GALNT7: variants seen among roughly 807,000 people sequenced by gnomAD.
The protein encoded by GALNT7 is polypeptide N-acetylgalactosaminyltransferase 7.
Under a neutral mutation model 82.1 loss-of-function variants are expected in GALNT7, and 60 were observed. The observed-to-expected ratio is 0.73, with a 90% CI of 0.59 to 0.91. GALNT7 has a LOEUF of 0.91. Ranked by LOEUF, GALNT7 falls within the 40% of genes least tolerant of loss-of-function variation. The pLI, the probability that GALNT7 is intolerant of heterozygous loss-of-function variation, is 0.00. For synonymous variants in GALNT7, 243 were observed against 275.1 expected (o/e 0.88, Z 1.15); for missense variants, 660 against 804.2 (o/e 0.82, Z 2.17).
At chr4:173,197,130 G>T (rs968949508) in intron 1 of GALNT7, among the ~76,000 whole-genome samples, 12 of 147,816 alleles carry the variant, frequency 8.1e-5, no homozygotes, top group Admixed American at 2.1e-4. Context: ...CAAGATATGG[G>T]TAGTAGATAC....
At chr4:173,192,939 G>A (rs1579897489) in intron 1 of GALNT7, among the ~76,000 whole-genome samples, 1 of 152,136 alleles carries the variant, frequency 6.6e-6, no homozygotes, top group East Asian at 1.9e-4. Context: ...CACTAAAGAC[G>A]GCACAGAGTT....
At chr4:173,205,100 TG>T (rs1733044572) in intron 1 of GALNT7, among the ~76,000 whole-genome samples, 2 of 151,468 alleles carry the variant, frequency 1.3e-5, no homozygotes, top group South Asian at 4.2e-4. Context: ...CCTGGGTCTC[TG>T]GGTCTGTCGG....
chr4:173,229,479 A>G (rs1189921054), intron 1 of GALNT7, among the ~76,000 whole-genome samples: 1 of 152,216 alleles, frequency 6.6e-6, no homozygotes, highest in East Asian at 1.9e-4. Context: ...ATTCTAGTTA[A>G]GGATATGAAA....
intron 1 of GALNT7, among the ~76,000 whole-genome samples, chr4:173,187,408 G>A: frequency 6.6e-6 from 1 of 150,606 alleles, no homozygotes; most frequent in South Asian, 2.1e-4. Context: ...CCTGTGTACT[G>A]GGAATTACAG....
At chr4:173,235,556 CTTTTTT>C (rs11421248) in intron 1 of GALNT7, among the ~76,000 whole-genome samples, 2 of 140,796 alleles carry the variant, frequency 1.4e-5, no homozygotes, top group African/African-American at 2.6e-5. Context: ...CTTTTCTTTT[CTTTTTT>C]TTTTTTTTCT....
chr4:173,178,348 A>G (rs775863533), intron 1 of GALNT7, among the ~76,000 whole-genome samples: 8 of 152,226 alleles, frequency 5.3e-5, no homozygotes, highest in African/African-American at 7.2e-5. Flanking sequence ...ATGTATGCTC[A>G]GCATTTCAAT....
At chr4:173,172,494 A>C (rs1157822628) in intron 1 of GALNT7, among the ~76,000 whole-genome samples, 1 of 152,120 alleles carries the variant, frequency 6.6e-6, no homozygotes, top group East Asian at 1.9e-4. Context: ...TTTCTATCTA[A>C]TGGGAGACTG....
intron 1 of GALNT7, among the ~76,000 whole-genome samples, chr4:173,180,392 A>G (rs984138614): frequency 6.7e-6 from 1 of 149,594 alleles, no homozygotes; most frequent in Admixed American, 6.7e-5. Flanking sequence ...CAATGGCACA[A>G]TCTCGACTCA....
intron 5 of GALNT7, 41 bp from the exon 6 acceptor site, chr4:173,298,074 T>TA: frequency 5.0e-6 from 8 of 1,603,408 alleles, no homozygotes; most frequent in South Asian, 1.1e-5. Context: ...GGTCCATACA[T>TA]ACGCTTCCAT....
chr4:173,170,376 A>G (rs1398943926), intron 1 of GALNT7, among the ~76,000 whole-genome samples: 1 of 152,246 alleles, frequency 6.6e-6, no homozygotes, highest in East Asian at 1.9e-4. Context: ...AAGTTGGGCA[A>G]AAAGGCTTGT....
chr4:173,172,892 C>T (rs72994569), intron 1 of GALNT7, among the ~76,000 whole-genome samples: 2,471 of 152,054 alleles, frequency 0.016, 68 homozygotes, highest in Admixed American at 0.066. Context: ...GGTGAGAAGC[C>T]GTTGAAAGAT....
intron 2 of GALNT7, among the ~76,000 whole-genome samples, chr4:173,260,024 A>G (rs1039517186): frequency 1.3e-5 from 2 of 152,218 alleles, no homozygotes; most frequent in Admixed American, 1.3e-4. Context: ...AATCATGCTT[A>G]TTTTATTAAC....
At position 173,169,156 on chromosome 4, in the gene GALNT7, G is replaced by A. The variant is rs1288936391; in HGVS notation, c.126+195G>A. 2.2e-4 allele frequency: 55 copies of A among 248,152 alleles called. 1 individual carries two copies. The East Asian group carries it at 4.3e-3, about 20-fold the overall frequency. The allele number at this position is 248,152 out of a possible 1,614,324, so 15.4% of individuals were successfully genotyped here. On this transcript the variant is annotated intron_variant, in intron 1 of 11. Transcript: ENST00000265000. ...CGACCTCCCTGGCCGCCGCCGGCCC[G>A]CCCCCTCGCCGCCCCTTCCTCCGCT...
chr4:173,323,056 G>A lies in GALNT7; in HGVS notation c.*1339G>A, dbSNP rs1737880298. On this transcript the variant is annotated 3_prime_UTR_variant, in exon 12 of 12. Transcript: ENST00000265000. The stretch of plus-strand genomic sequence containing the variant: ...ATTAGGAAAACCAAATATTGCAAAT[G>A]GTCAATTCGATTTTAATTTCTCAAA... 1 of 151,186 alleles carries A rather than the reference G, an allele frequency of 6.6e-6. No homozygotes were observed. Among genetic ancestry groups the A allele is most frequent in the South Asian group, 2.1e-4 (1 of 4,742 alleles). The allele number at this position is 151,186 out of a possible 1,614,324, so 9.4% of individuals were successfully genotyped here.
chr4:173,209,179 T>C (rs1733193003), intron 1 of GALNT7, among the ~76,000 whole-genome samples: 1 of 152,242 alleles, frequency 6.6e-6, no homozygotes, highest in African/African-American at 2.4e-5. Context: ...AGAATTTTAA[T>C]ATCTGGAGGG....
intron 2 of GALNT7, among the ~76,000 whole-genome samples, chr4:173,272,300 G>A (rs865910305): frequency 1.3e-5 from 2 of 152,206 alleles, no homozygotes; most frequent in Non-Finnish European, 2.9e-5. Flanking sequence ...TCTCAAGAGA[G>A]AATGCAACAA....
Position 173,318,511 on chromosome 4 carries a change from G to T in GALNT7, c.1788G>T (p.Met596Ile). 2 of 1,575,344 alleles carry T rather than the reference G, an allele frequency of 1.3e-6. No homozygotes were observed. The highest frequency in any genetic ancestry group is 1.7e-6 in the Non-Finnish European group (2 of 1,145,842). The change falls in exon 11 of 12, where the codon ATG (methionine) becomes ATT (isoleucine). Residue 596 changes from methionine to isoleucine, a missense_variant. Transcript: ENST00000265000. ...AGGGAGCTGATGGATCAAAAGTTAT[G>T]ATTACACACTGTAATCTAAATGAAT... ...LTKGADGSKV[M>I]ITHCNLNEFK...
At chr4:173,177,373 G>GGT (rs1184544155) in intron 1 of GALNT7, among the ~76,000 whole-genome samples, 2 of 152,126 alleles carry the variant, frequency 1.3e-5, no homozygotes, top group African/African-American at 4.8e-5. Context: ...GTCAAGTGAA[G>GGT]GTGTCTTAAC....
intron 2 of GALNT7, among the ~76,000 whole-genome samples, chr4:173,281,248 C>T (rs143370180): frequency 1.3e-5 from 2 of 152,306 alleles, no homozygotes; most frequent in East Asian, 3.9e-4. Context: ...GGCACCCTTT[C>T]ATCTGCTGCT....
Sources: allele counts gnomAD v4.1 joint callset (sites outside exome capture counted in the v4.1 genomes callset), GRCh38; gene constraint gnomAD v4.1.1; transcripts MANE v1.5; gene names NCBI Gene and HGNC (gene_info 2026-07-23, HGNC 2026-07-21).